Variants in FRMD4A observed in about 807,000 individuals in gnomAD.
The protein encoded by FRMD4A is FERM domain containing 4A.
Under a neutral mutation model 129.1 loss-of-function variants are expected in FRMD4A, and 29 were observed. The ratio of observed to expected loss-of-function variants is 0.22; its 90% confidence interval spans 0.17 to 0.31. FRMD4A has a LOEUF of 0.31. Among genes scored for constraint, FRMD4A ranks in the 10% least tolerant of loss-of-function variants. The pLI, the probability that FRMD4A is intolerant of heterozygous loss-of-function variation, is 1.00. For synonymous variants in FRMD4A, 634 were observed against 571.6 expected, an observed-to-expected ratio of 1.11 and a Z score of -1.56; for missense variants, 1,272 against 1,375.8, an observed-to-expected ratio of 0.92 and a Z score of 1.19.
chr10:13,858,467 A>G (rs528218274), intron 3 of FRMD4A, among the ~76,000 whole-genome samples: 1 of 152,332 alleles, frequency 6.6e-6, no homozygotes, highest in Non-Finnish European at 1.5e-5. Context: ...ACAAACAAAA[A>G]GAACCAAACC....
chr10:13,975,347 TG>T (rs2095538371), intron 2 of FRMD4A, among the ~76,000 whole-genome samples: 1 of 151,970 alleles, frequency 6.6e-6, no homozygotes. Context: ...TCTATGTATG[TG>T]TCTGTGTCTG....
At chr10:14,190,964 G>A (rs1842298945) in intron 2 of FRMD4A, among the ~76,000 whole-genome samples, 1 of 152,188 alleles carries the variant, frequency 6.6e-6, no homozygotes, top group Non-Finnish European at 1.5e-5. Flanking sequence ...GGGAATTCAG[G>A]CTGTGAGGTC....
intron 24 of FRMD4A, among the ~76,000 whole-genome samples, chr10:13,650,703 A>G (rs1435136116): frequency 6.6e-6 from 1 of 152,090 alleles, no homozygotes; most frequent in Non-Finnish European, 1.5e-5. Flanking sequence ...ACTTTGCAAT[A>G]TTGTCCTAAC....
At chr10:13,684,665 G>A (rs919152969) in intron 15 of FRMD4A, 11 of 985,174 alleles carry the variant, frequency 1.1e-5, no homozygotes, top group East Asian at 1.1e-4. Flanking sequence ...CCAGGAGGAC[G>A]TTGTCAGGAG....
chr10:14,031,138 A>G (rs1043213484), intron 2 of FRMD4A, among the ~76,000 whole-genome samples: 1 of 152,176 alleles, frequency 6.6e-6, no homozygotes, highest in Non-Finnish European at 1.5e-5. Context: ...AGAAGTGTGC[A>G]ACTGGAATGT....
In FRMD4A at chr10:13,656,817, G is replaced by A; in HGVS notation, c.2772C>T (p.Val924=). ...AHDKGAGRAA[V]SDELRQWYQR... ...GGTACCACTGGCGCAGCTCGTCTGA[G>A]ACGGCGGCACGGCCCGCGCCCTTGT... is the stretch of plus-strand genomic sequence containing the variant. The change falls in exon 22 of 25, where the codon GTC becomes GTT. Residue 924 remains valine, a synonymous_variant. Transcript: ENST00000357447. The A allele has an allele frequency of 6.3e-7, 1 of 1,577,672 alleles. No homozygotes were observed. Among genetic ancestry groups the A allele is most frequent in the Non-Finnish European group, 8.6e-7 (1 of 1,164,854 alleles).
At chr10:13,862,775 A>C (rs2094311660) in intron 2 of FRMD4A, among the ~76,000 whole-genome samples, 1 of 152,220 alleles carries the variant, frequency 6.6e-6, no homozygotes, top group Non-Finnish European at 1.5e-5. Context: ...AGATTAGAGT[A>C]TCCTGTTCTT....
chr10:13,686,454 C>T (rs559339342), intron 15 of FRMD4A, among the ~76,000 whole-genome samples: 22 of 152,304 alleles, frequency 1.4e-4, no homozygotes, highest in South Asian at 2.1e-4. Flanking sequence ...TAATAAACTC[C>T]TTAACAATGG....
intron 2 of FRMD4A, among the ~76,000 whole-genome samples, chr10:14,106,986 T>G (rs1837621435): frequency 6.6e-6 from 1 of 152,210 alleles, no homozygotes; most frequent in South Asian, 2.1e-4. Context: ...AAAGAAAATG[T>G]GGTACATATA....
At chr10:13,871,692 G>A (rs368558444) in intron 2 of FRMD4A, among the ~76,000 whole-genome samples, 12 of 152,322 alleles carry the variant, frequency 7.9e-5, no homozygotes, top group African/African-American at 1.7e-4. Flanking sequence ...AGAAGGGCAC[G>A]GGGGACAGCC....
At chr10:13,938,972 G>A (rs2095270109) in intron 2 of FRMD4A, among the ~76,000 whole-genome samples, 1 of 152,210 alleles carries the variant, frequency 6.6e-6, no homozygotes, top group Non-Finnish European at 1.5e-5. Flanking sequence ...TCGGTTGATA[G>A]AGGCCAGGGA....
At chr10:13,887,020 T>A (rs1201525064) in intron 2 of FRMD4A, among the ~76,000 whole-genome samples, 1 of 152,180 alleles carries the variant, frequency 6.6e-6, no homozygotes, top group Non-Finnish European at 1.5e-5. Flanking sequence ...AGACAACACG[T>A]TTCTTCTTGT....
intron 2 of FRMD4A, among the ~76,000 whole-genome samples, chr10:13,887,918 A>C (rs1161902075): frequency 6.6e-6 from 1 of 152,200 alleles, no homozygotes; most frequent in Non-Finnish European, 1.5e-5. Flanking sequence ...AGACAACGGA[A>C]AGGGTGGCAG....
chr10:14,281,531 T>C (rs1845520957), intron 2 of FRMD4A, among the ~76,000 whole-genome samples: 1 of 152,242 alleles, frequency 6.6e-6, no homozygotes, highest in Non-Finnish European at 1.5e-5. Context: ...CAGTCTGTGG[T>C]ACTTTATTAT....
At position 13,894,425 on chromosome 10, in the gene FRMD4A, A is replaced by G. The variant is rs190886949; in HGVS notation, c.46-35513T>C. ...CTTTTGCCACCCAGCCCCACCAGAA[A>G]TCGTGTCACCCCCTACCCTCCAGCT... On this transcript the variant is annotated intron_variant, in intron 2 of 24. Transcript: ENST00000357447. 4.0e-4 allele frequency among the ~76,000 whole-genome samples: 61 copies of G among 152,190 alleles called. 1 individual carries two copies. Among genetic ancestry groups the G allele is most frequent in the Admixed American group, 3.7e-3 (56 of 15,298 alleles).
At chr10:13,958,519 G>T (rs1372034488) in intron 2 of FRMD4A, among the ~76,000 whole-genome samples, 2 of 151,794 alleles carry the variant, frequency 1.3e-5, no homozygotes, top group East Asian at 3.9e-4. Flanking sequence ...TCTTGACCTT[G>T]TGATCCGCCC....
intron 2 of FRMD4A, among the ~76,000 whole-genome samples, chr10:13,868,863 C>T (rs1469290739): frequency 6.6e-6 from 1 of 152,134 alleles, no homozygotes; most frequent in Non-Finnish European, 1.5e-5. Context: ...GATACAGCTG[C>T]AGCTTATACA....
intron 2 of FRMD4A, among the ~76,000 whole-genome samples, chr10:14,068,098 C>G (rs1466810177): frequency 6.6e-6 from 1 of 152,190 alleles, no homozygotes; most frequent in Admixed American, 6.5e-5. Flanking sequence ...GATCATCTTT[C>G]AAAGTATAAA....
intron 2 of FRMD4A, among the ~76,000 whole-genome samples, chr10:13,983,929 G>A (rs1243855932): frequency 6.6e-6 from 1 of 152,018 alleles, no homozygotes; most frequent in Non-Finnish European, 1.5e-5. Flanking sequence ...CTTGAACCTG[G>A]GAGGCAGAGG....
Sources: allele counts gnomAD v4.1 joint callset (sites outside exome capture counted in the v4.1 genomes callset), GRCh38; gene constraint gnomAD v4.1.1; transcripts MANE v1.5; gene names NCBI Gene and HGNC (gene_info 2026-07-23, HGNC 2026-07-21).